TBCD: variants seen among roughly 807,000 people sequenced by gnomAD.
TBCD encodes the protein tubulin-specific chaperone D.
In TBCD, 105 loss-of-function variants were observed where a neutral mutation model predicts 169.3. The ratio of observed to expected loss-of-function variants is 0.62; its 90% CI spans 0.53 to 0.73. The LOEUF (loss-of-function observed/expected upper bound fraction) is 0.73, where lower values mean the gene tolerates loss of function less well. Ranked by LOEUF, TBCD falls within the 30% of genes least tolerant of loss-of-function variation. The probability of loss-of-function intolerance (pLI) is 0.00; values close to 1 mark genes in which losing one functional copy is unlikely to be tolerated. For missense variants in TBCD, 1,444 were observed against 1,600.1 expected (o/e 0.90, Z 1.66); for synonymous variants, 700 against 643.9 (o/e 1.09, Z -1.32).
At chr17:82,830,496 A>G in intron 13 of TBCD, 1 of 1,613,286 alleles carries the variant, frequency 6.2e-7, no homozygotes, top group East Asian at 2.2e-5. Flanking sequence ...GGGCCCCGTC[A>G]CCGTCGAGGC....
rs2057830520 is a variant in TBCD at position 82,874,561 on chromosome 17, C to T, written c.1475+4181C>T. Among the ~76,000 whole-genome samples the T allele has an allele frequency of 6.6e-6, 1 of 152,186 alleles. No individual in the cohort carries two copies. Among genetic ancestry groups the T allele is most frequent in the South Asian group, 2.1e-4 (1 of 4,832 alleles). ...CCCTTTACCTGTGCCATCCCGGCCG[C>T]AGACCCAAGGGTGCCCTTGGAGCCG... On this transcript the variant is annotated intron_variant, in intron 14 of 38. Coordinates refer to ENST00000355528, the MANE Select transcript of TBCD (RefSeq NM_005993.5). This position sits in a 1 kb window ranked among gnomAD's most constrained non-coding sequence, Gnocchi z 5.0.
chr17:82,924,904 G>T (rs376193468), intron 26 of TBCD, 35 bp from the exon 27 acceptor site: 7 of 1,521,220 alleles, frequency 4.6e-6, no homozygotes, highest in Non-Finnish European at 6.3e-6. Flanking sequence ...ATGGGCAGCA[G>T]AGGGCCTCTC....
intron 23 of TBCD, among the ~76,000 whole-genome samples, chr17:82,917,105 C>T (rs529717273): frequency 2.0e-5 from 3 of 147,410 alleles, no homozygotes; most frequent in South Asian, 4.4e-4. Context: ...CTGCAACCTC[C>T]GCCTCCCGGG....
At chr17:82,804,086 G>A (rs1334238725) in intron 9 of TBCD, among the ~76,000 whole-genome samples, 2 of 148,424 alleles carry the variant, frequency 1.3e-5, no homozygotes, top group East Asian at 4.0e-4. Flanking sequence ...AGGGGAGAGT[G>A]GGGGCTGGGG....
chr17:82,849,503 G>A (rs1455913244), intron 13 of TBCD, among the ~76,000 whole-genome samples: 1 of 151,854 alleles, frequency 6.6e-6, no homozygotes, highest in Non-Finnish European at 1.5e-5. Flanking sequence ...TTCCCCTTTC[G>A]TCTCCTTAAC....
chr17:82,937,703 C>A, intron 35 of TBCD: 1 of 662,680 alleles, frequency 1.5e-6, no homozygotes, highest in South Asian at 2.0e-5. Flanking sequence ...CCTTGCTCTG[C>A]GGCGCTCAGG....
intron 7 of TBCD, among the ~76,000 whole-genome samples, chr17:82,783,213 G>A (rs1022548185): frequency 4.6e-5 from 7 of 152,136 alleles, no homozygotes; most frequent in African/African-American, 1.7e-4. Flanking sequence ...TCTTCAGGAG[G>A]GCAGCCTTTG....
At chr17:82,899,595 C>A (rs1418784968) in intron 17 of TBCD, among the ~76,000 whole-genome samples, 1 of 152,236 alleles carries the variant, frequency 6.6e-6, no homozygotes, top group Non-Finnish European at 1.5e-5. Flanking sequence ...ATGAATAAAG[C>A]AGTTGTATAT....
Position 82,850,160 on chromosome 17 carries a change from G to GC in TBCD, c.1319-20064_1319-20063insC, listed in dbSNP as rs1567887876. Among the ~76,000 whole-genome samples, 28 of 106,140 alleles carry GC rather than the reference G, an allele frequency of 2.6e-4. 8 individuals carry two copies. The highest frequency in any genetic ancestry group is 1.0e-3 in the Admixed American group (11 of 10,878). 69.6% of individuals were successfully genotyped at this position (106,140 alleles called of 152,430 possible). A position where few individuals can be genotyped will look rare whatever the true frequency, so the allele number is the denominator to read the frequency against. ...TGGCTGTGCTGTTGTTGGCTGTGCTGTTGTTGCCTGTGCTGCTGTTGGCTG... is the reference window on the plus strand; with the variant it reads ...TGGCTGTGCTGTTGTTGGCTGTGCTGCTTGTTGCCTGTGCTGCTGTTGGCTG... On this transcript the variant is annotated intron_variant, in intron 13 of 38. Coordinates refer to ENST00000355528, the MANE Select transcript of TBCD (RefSeq NM_005993.5).
chr17:82,830,833 G>C, intron 13 of TBCD: 2 of 1,613,290 alleles, frequency 1.2e-6, no homozygotes, highest in South Asian at 2.2e-5. Context: ...GACGAGAGAG[G>C]CGCTTCCGGT....
At chr17:82,799,441 C>CAAA (rs61017445) in intron 8 of TBCD, among the ~76,000 whole-genome samples, 2,621 of 72,374 alleles carry the variant, frequency 0.036, 279 homozygotes, top group African/African-American at 0.08. Flanking sequence ...GACTCTGTCT[C>CAAA]AAAAAAAAAA....
At chr17:82,801,232 G>A (rs926848647) in intron 9 of TBCD, among the ~76,000 whole-genome samples, 103 of 152,334 alleles carry the variant, frequency 6.8e-4, no homozygotes, top group African/African-American at 7.7e-4. Context: ...GTAGGTGAGC[G>A]TCTGGTGTGG....
intron 8 of TBCD, 63 bp from the exon 9 acceptor site, chr17:82,800,801 C>T: frequency 1.3e-6 from 2 of 1,551,640 alleles, no homozygotes; most frequent in Non-Finnish European, 8.7e-7. Flanking sequence ...TTCGGGGACA[C>T]AGGTGGTGCA....
chr17:82,768,425 G>C lies in TBCD; in HGVS notation c.441G>C (p.Trp147Cys), dbSNP rs1199292715. The C allele has an allele frequency of 6.2e-7, 1 of 1,613,800 alleles. No individual in the cohort carries two copies. The highest frequency in any genetic ancestry group is 8.5e-7 in the Non-Finnish European group (1 of 1,179,804). ...CCCGTGGTTTAATTTTTTAGGCTTG[G>C]GAAACCCGCTACATGCTTTTGCTCT... ...TIQNPKDHEA[W>C]ETRYMLLLWL... The change falls in exon 5 of 39, where the codon TGG becomes TGC. Residue 147 changes from tryptophan (W) to cysteine (C), a missense_variant. Physicochemically the swap from Trp to Cys is radical, Grantham distance 215. Coordinates refer to ENST00000355528, the MANE Select transcript of TBCD (RefSeq NM_005993.5).
At chr17:82,845,431 G>A (rs115885122) in intron 13 of TBCD, among the ~76,000 whole-genome samples, 3,975 of 144,602 alleles carry the variant, frequency 0.027, 194 homozygotes, top group African/African-American at 0.096. Context: ...CATCTTGTCC[G>A]GCCCGGCCCC....
intron 15 of TBCD, among the ~76,000 whole-genome samples, chr17:82,888,939 C>CGGAAA (rs2058943440): frequency 6.6e-6 from 1 of 152,092 alleles, no homozygotes; most frequent in Non-Finnish European, 1.5e-5. Flanking sequence ...TTTGCTGGGT[C>CGGAAA]TTCCTGGGAC....
chr17:82,862,756 C>T (rs1007549383), intron 13 of TBCD, among the ~76,000 whole-genome samples: 4 of 152,326 alleles, frequency 2.6e-5, no homozygotes, highest in South Asian at 2.1e-4. Context: ...TGCCTGTGCA[C>T]GTGTGTTGCC....
chr17:82,803,304 C>CA (rs2050710796), intron 9 of TBCD, among the ~76,000 whole-genome samples: 1 of 152,186 alleles, frequency 6.6e-6, no homozygotes, highest in South Asian at 2.1e-4. Flanking sequence ...AGGTGAAAGT[C>CA]ACGGCTTTCT....
chr17:82,891,098 T>C (rs374346601), intron 16 of TBCD, among the ~76,000 whole-genome samples: 1 of 152,316 alleles, frequency 6.6e-6, no homozygotes, highest in East Asian at 1.9e-4. Flanking sequence ...CACTCCGCCA[T>C]CACTCTGTGT....
Sources: gnomAD v4.1 joint callset for allele counts (sites outside exome capture counted in the v4.1 genomes callset) on GRCh38, gnomAD v4.1.1 for gene constraint, Gnocchi (gnomAD v3.1) non-coding constraint, MANE v1.5 for transcripts, NCBI Gene and HGNC (gene_info 2026-07-23, HGNC 2026-07-21) for gene names.